KIFC3: variants seen among roughly 807,000 people sequenced by gnomAD.
KIFC3 encodes kinesin-like protein KIFC3.
In KIFC3, 60 loss-of-function variants were observed where a neutral mutation model predicts 101.8. That is an observed-to-expected ratio of 0.59 (90% CI 0.48 to 0.73). The LOEUF (loss-of-function observed/expected upper bound fraction) is 0.73. KIFC3 is among the 30% of genes least tolerant of loss of function. The pLI is 0.00. For synonymous variants in KIFC3, 476 were observed against 482.7 expected (o/e 0.99, Z 0.18); for missense variants, 966 against 1,137.1 (o/e 0.85, Z 2.16).
At position 57,760,281 on chromosome 16, in the gene KIFC3, C is replaced by T; in HGVS notation, c.2367+1G>A. Reference sequence around the variant, plus strand: ...AGCCAGGCCTGTGACAGTCCCCGTACCTCTAGATGCTCCTGGCTTGACCAG... The same window carrying T: ...AGCCAGGCCTGTGACAGTCCCCGTATCTCTAGATGCTCCTGGCTTGACCAG... On this transcript the variant is annotated splice_donor_variant, in intron 17 of 19. Transcript: ENST00000445690. LOFTEE classifies it high-confidence loss of function. 2 of 1,611,406 alleles carry T rather than the reference C, an allele frequency of 1.2e-6. No individual in the cohort carries two copies. The highest frequency in any genetic ancestry group is 1.7e-6 in the Non-Finnish European group (2 of 1,178,250).
rs149210186 is a variant in KIFC3, at chr16:57,813,351, A to AAAATAAATAAAT, written c.109-15081_109-15070dup. Among the ~76,000 whole-genome samples the AAAATAAATAAAT allele has an allele frequency of 2.8e-3, 420 of 151,302 alleles. 5 individuals carry two copies. The highest frequency in any genetic ancestry group is 8.9e-3 in the African/African-American group (366 of 40,948). ...TCAAAATAAAATAAAATAAAATACA[A>AAAATAAATAAAT]AAATAAATAAATAAATAAATAAATA... On this transcript the variant is annotated intron_variant, in intron 1 of 2. Transcript: ENST00000563028.
chr16:57,773,369 G>A (rs1208360938), intron 3 of KIFC3, among the ~76,000 whole-genome samples: 5 of 152,196 alleles, frequency 3.3e-5, no homozygotes, highest in African/African-American at 9.7e-5. Context: ...TAAGAAGGCG[G>A]CCACCACGTA....
chr16:57,782,129 A>C (rs1555615125), intron 3 of KIFC3: 3 of 985,372 alleles, frequency 3.0e-6, no homozygotes, highest in South Asian at 4.7e-5. Flanking sequence ...ACCAGGGCAC[A>C]CGGGAGTGAC....
At chr16:57,775,843 G>T in intron 3 of KIFC3, 2 of 985,600 alleles carry the variant, frequency 2.0e-6, no homozygotes, top group Non-Finnish European at 2.4e-6. Flanking sequence ...GGCTGAGGAC[G>T]GACCAGGCTG....
At chr16:57,765,259 A>G (rs1313874120) in intron 11 of KIFC3, among the ~76,000 whole-genome samples, 200 bp downstream of exon 11, 1 of 152,064 alleles carries the variant, frequency 6.6e-6, no homozygotes, top group Non-Finnish European at 1.5e-5. Flanking sequence ...TCTCCTTCCT[A>G]AGGAGGCTTT....
intron 1 of KIFC3, among the ~76,000 whole-genome samples, chr16:57,850,821 C>A (rs2056037014): frequency 1.3e-5 from 2 of 152,084 alleles, no homozygotes; most frequent in Admixed American, 1.3e-4. Context: ...TCTCCGCAGG[C>A]CCTTCCAGTG....
At chr16:57,825,578 C>T (rs1249524378) in intron 1 of KIFC3, among the ~76,000 whole-genome samples, 8 of 152,318 alleles carry the variant, frequency 5.3e-5, no homozygotes, top group East Asian at 1.9e-4. Flanking sequence ...AGCTGCCCCA[C>T]GTTCAGCCTC....
At chr16:57,813,309 C>A (rs886820145) in intron 1 of KIFC3, among the ~76,000 whole-genome samples, 1 of 151,528 alleles carries the variant, frequency 6.6e-6, no homozygotes, top group Non-Finnish European at 1.5e-5. Flanking sequence ...GCCTGGGCAA[C>A]AAAGCAAGGC....
At chr16:57,777,739 A>G (rs1418000547) in intron 3 of KIFC3, among the ~76,000 whole-genome samples, 2 of 152,016 alleles carry the variant, frequency 1.3e-5, no homozygotes, top group Non-Finnish European at 2.9e-5. Flanking sequence ...AAAAAATTAA[A>G]AAAAAAAAAG....
At chr16:57,785,385 G>T in intron 3 of KIFC3, 1 of 850,956 alleles carries the variant, frequency 1.2e-6, no homozygotes, top group Admixed American at 3.5e-5. Context: ...AGCCTGGTGG[G>T]GTCAGGTGCC....
At chr16:57,816,229 C>T (rs1377889747) in intron 1 of KIFC3, 8 of 1,288,100 alleles carry the variant, frequency 6.2e-6, no homozygotes, top group Non-Finnish European at 8.1e-6. Flanking sequence ...GGTGAGAAAA[C>T]CGAGGCCCGG....
intron 2 of KIFC3, among the ~76,000 whole-genome samples, chr16:57,797,449 C>T (rs1389703125): frequency 6.6e-6 from 1 of 152,212 alleles, no homozygotes; most frequent in African/African-American, 2.4e-5. Flanking sequence ...TTTCGCAGCA[C>T]CGGGGGACAT....
chr16:57,816,548 T>C (rs1555628876), intron 1 of KIFC3: 1 of 456,682 alleles, frequency 2.2e-6, no homozygotes, highest in East Asian at 7.0e-5. Context: ...GGGCTGCGAG[T>C]GACAGCTGGC....
chr16:57,849,066 A>G (rs548822802), intron 1 of KIFC3, among the ~76,000 whole-genome samples: 4 of 152,372 alleles, frequency 2.6e-5, no homozygotes, highest in Admixed American at 6.5e-5. Context: ...AGCAGAGAAC[A>G]ATAGTAGCTG....
chr16:57,826,125 G>T (rs1168843388), intron 1 of KIFC3, among the ~76,000 whole-genome samples: 11 of 152,224 alleles, frequency 7.2e-5, no homozygotes, highest in Non-Finnish European at 4.4e-5. Context: ...TGGCTGGAGG[G>T]TCCTTCCCCA....
chr16:57,767,114 C>A, intron 9 of KIFC3, 129 bp from the exon 10 acceptor site: 1 of 679,016 alleles, frequency 1.5e-6, no homozygotes, highest in Non-Finnish European at 2.6e-6. Flanking sequence ...TGTCACATGT[C>A]AGACTGTCCC....
intron 1 of KIFC3, among the ~76,000 whole-genome samples, chr16:57,820,759 C>T (rs932052688): frequency 1.3e-5 from 2 of 152,212 alleles, no homozygotes; most frequent in Admixed American, 6.5e-5. Flanking sequence ...CTGACTCCAG[C>T]GCTTAGCACA....
At chr16:57,817,912 A>T (rs782573562) in intron 1 of KIFC3, among the ~76,000 whole-genome samples, 1 of 151,880 alleles carries the variant, frequency 6.6e-6, no homozygotes, top group Admixed American at 6.6e-5. Flanking sequence ...TCCACACTAC[A>T]TTGTCTCACC....
At chr16:57,785,167 G>A (rs1378970308) in intron 3 of KIFC3, among the ~76,000 whole-genome samples, 1 of 152,134 alleles carries the variant, frequency 6.6e-6, no homozygotes, top group Non-Finnish European at 1.5e-5. Context: ...TCACATCTAC[G>A]TCACCTCCTA....
Sources: gnomAD v4.1 joint callset for allele counts (sites outside exome capture counted in the v4.1 genomes callset) on GRCh38, gnomAD v4.1.1 for gene constraint, MANE v1.5 for transcripts, NCBI Gene and HGNC (gene_info 2026-07-23, HGNC 2026-07-21) for gene names.